The following SDS variants were observed in gnomAD, a reference collection of about 807,000 sequenced individuals.
SDS encodes serine dehydratase, also known as L-serine dehydratase/L-threonine deaminase.
SDS carries 19 observed loss-of-function variants against 29.3 expected under a neutral mutation model. That is an observed-to-expected ratio of 0.65 (90% CI 0.45 to 0.95). The LOEUF (loss-of-function observed/expected upper bound fraction) is 0.95, where lower values mean the gene tolerates loss of function less well. Ranked by LOEUF, SDS falls within the 40% of genes least tolerant of loss-of-function variation. The probability of loss-of-function intolerance (pLI) is 0.00; values close to 1 mark genes in which losing one functional copy is unlikely to be tolerated. For synonymous variants in SDS, 176 were observed against 189.0 expected (o/e 0.93, Z 0.56); for missense variants, 375 against 439.9 (o/e 0.85, Z 1.32).
intron 1 of SDS, among the ~76,000 whole-genome samples, chr12:113,400,558 T>C (rs943172405): frequency 2.0e-5 from 3 of 150,926 alleles, no homozygotes; most frequent in Non-Finnish European, 4.4e-5. Context: ...ACACACATAC[T>C]CCATCCACAC....
In SDS at chr12:113,399,133, C is replaced by T; in HGVS notation, c.172G>A (p.Ala58Thr). The change falls in exon 3 of 8, where the codon GCA becomes ACA. Residue 58 changes from alanine (A) to threonine (T), a missense_variant. By Grantham distance (58) the Ala-to-Thr change is moderately conservative. Transcript: ENST00000257549. ...TTACCCGAGGAGCAGACAAAATGTGCACAGCCTTGCTTGGCCCACTGTGGA... is the reference window on the plus strand; with the variant it reads ...TTACCCGAGGAGCAGACAAAATGTGTACAGCCTTGCTTGGCCCACTGTGGA... ...FCKRWAKQGC[A>T]HFVCSSAGNA... is the part of the protein sequence containing the mutation. 6.2e-7 allele frequency: 1 copy of T among 1,613,952 alleles called. No individual in the cohort carries two copies. The highest frequency in any genetic ancestry group is 1.3e-5 in the African/African-American group (1 of 75,054).
intron 1 of SDS, among the ~76,000 whole-genome samples, chr12:113,402,526 C>G (rs918600393): frequency 1.3e-5 from 2 of 152,190 alleles, no homozygotes; most frequent in Non-Finnish European, 2.9e-5. Flanking sequence ...CTCCTGACCT[C>G]AAGTCATCTG....
chr12:113,403,047 G>A (rs1957694222), intron 1 of SDS, among the ~76,000 whole-genome samples: 1 of 152,198 alleles, frequency 6.6e-6, no homozygotes, highest in Non-Finnish European at 1.5e-5. Context: ...GAGGAGGAAG[G>A]CGCTATGCTC....
Position 113,394,063 on chromosome 12 carries a change from G to C in SDS, c.654-47C>G, listed in dbSNP as rs749353246. ...AAGAGGATGGGAGTGGGGGAAACAG[G>C]AGAGAGATGGGGGCAGGGAGGGAGA... On this transcript the variant is annotated intron_variant, in intron 6 of 7. Coordinates refer to ENST00000257549, the MANE Select transcript of SDS (RefSeq NM_006843.3). The C allele has an allele frequency of 3.1e-6, 5 of 1,596,416 alleles. No individual in the cohort carries two copies. In the East Asian group the frequency reaches 1.1e-4, roughly 36 times the overall value.
chr12:113,393,987 A>G lies in SDS; in HGVS notation c.683T>C (p.Val228Ala), dbSNP rs760583748. Residue 228 changes from valine (V) to alanine (A), a missense_variant, in exon 7 of 8, where the codon GTG (valine) becomes GCG (alanine). Coordinates refer to ENST00000257549, the MANE Select transcript of SDS (RefSeq NM_006843.3). ...SVAKALGVKT[V>A]GAQALKLFQE... Reference sequence around the variant, plus strand: ...AAACAGCTTCAGGGCCTGAGCCCCCACAGTCTTCACGCCCAGGGCCTTGGC... The same window carrying G: ...AAACAGCTTCAGGGCCTGAGCCCCCGCAGTCTTCACGCCCAGGGCCTTGGC... 10 of 1,614,038 alleles carry G rather than the reference A, an allele frequency of 6.2e-6. No individual in the cohort carries two copies. In the African/African-American group the frequency reaches 1.1e-4, roughly 17 times the overall value.
chr12:113,396,811 A>C (rs1957649835), intron 6 of SDS: 2 of 294,112 alleles, frequency 6.8e-6, no homozygotes, highest in Non-Finnish European at 1.3e-5. Context: ...AAAAACAAAA[A>C]ACTTTTTTTA....
intron 1 of SDS, among the ~76,000 whole-genome samples, chr12:113,401,112 T>TCAAACAAA (rs112865480): frequency 1.3e-5 from 2 of 151,972 alleles, no homozygotes; most frequent in African/African-American, 4.8e-5. Context: ...AGACTCTGTC[T>TCAAACAAA]CAAACAAACA....
At chr12:113,396,838 T>C in intron 6 of SDS, 1 of 394,200 alleles carries the variant, frequency 2.5e-6, no homozygotes, top group Non-Finnish European at 4.6e-6. Context: ...GGAATCTCTC[T>C]ATGTTGCTCA....
intron 1 of SDS, among the ~76,000 whole-genome samples, chr12:113,402,193 G>A (rs527329918): frequency 2.0e-5 from 3 of 152,262 alleles, no homozygotes; most frequent in South Asian, 4.1e-4. Context: ...TGGATCTCTC[G>A]AATAAAAATC....
chr12:113,400,434 C>G (rs1311183708), intron 1 of SDS, among the ~76,000 whole-genome samples: 1 of 151,854 alleles, frequency 6.6e-6, no homozygotes, highest in East Asian at 1.9e-4. Context: ...GATCGAGCCA[C>G]TGCACTCCAG....
At chr12:113,396,379 T>C (rs1957644058) in intron 6 of SDS, among the ~76,000 whole-genome samples, 1 of 149,030 alleles carries the variant, frequency 6.7e-6, no homozygotes. Context: ...TCTTTCTCTC[T>C]TTTTCTTTCT....
rs748981758 is a variant in SDS at position 113,398,747 on chromosome 12, CGCTCAATG to C, written c.285_292del (p.Ile96ProfsTer4). The C allele has an allele frequency of 8.1e-6, 13 of 1,614,240 alleles. No homozygotes were observed. In the East Asian group the frequency reaches 2.9e-4, roughly 36 times the overall value. On this transcript the variant is annotated frameshift_variant, in exon 4 of 8. Transcript: ENST00000257549. LOFTEE classifies it high-confidence loss of function. ...GACTGTGGCACCTTCATTCTTGAGGCGCTCAATGGTGAGAGCAGGTGTGGTGCTGGGCA... is the reference window on the plus strand; with the variant it reads ...GACTGTGGCACCTTCATTCTTGAGGCGTGAGAGCAGGTGTGGTGCTGGGCA...
chr12:113,393,881 C>T lies in SDS; in HGVS notation c.778+11G>A. On this transcript the variant is annotated intron_variant, in intron 7 of 7. Coordinates refer to ENST00000257549, the MANE Select transcript of SDS (RefSeq NM_006843.3). ...TCAGCAGGTCAGGTCATGGGAGGAC[C>T]TGGCACATACCCACGAACTTCTCAA... is the stretch of plus-strand genomic sequence containing the variant. The T allele has an allele frequency of 1.9e-6, 3 of 1,614,156 alleles. No individual in the cohort carries two copies. The highest frequency in any genetic ancestry group is 2.5e-6 in the Non-Finnish European group (3 of 1,180,028).
At chr12:113,395,921 G>A (rs192488543) in intron 6 of SDS, among the ~76,000 whole-genome samples, 1 of 152,160 alleles carries the variant, frequency 6.6e-6, no homozygotes, top group Non-Finnish European at 1.5e-5. Context: ...AGACTAGCCT[G>A]GCTAACACGG....
chr12:113,394,332 G>C (rs933845737), intron 6 of SDS, among the ~76,000 whole-genome samples: 1 of 144,476 alleles, frequency 6.9e-6, no homozygotes, highest in Non-Finnish European at 1.5e-5. Flanking sequence ...TTGTTTTTTT[G>C]TTGTTTTTTT....
rs772651434 is a variant in SDS, at chr12:113,393,034, G to A, written c.894C>T (p.Leu298=). 1 of 1,614,248 alleles carries A rather than the reference G, an allele frequency of 6.2e-7. No homozygotes were observed. The highest frequency in any genetic ancestry group is 8.5e-7 in the Non-Finnish European group (1 of 1,180,048). ...TGCTGCCCCCGCAGACGATGACCAC[G>A]AGGGATGGCAGCGGGGTTCGGAGAT... ...EGNLRTPLPS[L]VVIVCGGSNI... Residue 298 remains leucine (L), a synonymous_variant, in exon 8 of 8, where the codon CTC becomes CTT. Coordinates refer to ENST00000257549, the MANE Select transcript of SDS (RefSeq NM_006843.3).
chr12:113,398,870 C>A, intron 3 of SDS, 24 bp from the exon 4 acceptor site: 1 of 1,579,516 alleles, frequency 6.3e-7, no homozygotes, highest in East Asian at 2.3e-5. Context: ...GGGTGGAGAG[C>A]GTGTCAGTGC....
intron 1 of SDS, among the ~76,000 whole-genome samples, chr12:113,402,320 C>A (rs1290508476): frequency 6.6e-6 from 1 of 152,102 alleles, no homozygotes; most frequent in Non-Finnish European, 1.5e-5. Context: ...TTTTAGAGAA[C>A]CTCCCTCTGT....
chr12:113,398,426 G>A, intron 5 of SDS, 89 bp downstream of exon 5: 1 of 813,622 alleles, frequency 1.2e-6, no homozygotes, highest in South Asian at 1.5e-5. Flanking sequence ...TGTGCATGAG[G>A]ACGTGATGAT....
Sources: gnomAD v4.1 joint callset for allele counts (sites outside exome capture counted in the v4.1 genomes callset) on GRCh38, gnomAD v4.1.1 for gene constraint, MANE v1.5 for transcripts, NCBI Gene and HGNC (gene_info 2026-07-23, HGNC 2026-07-21) for gene names.